Variants in BMPR1A observed in about 807,000 individuals in gnomAD.
BMPR1A encodes bone morphogenetic protein receptor type 1A.
BMPR1A carries 7 observed loss-of-function variants against 66.0 expected under a neutral mutation model. That is an observed-to-expected ratio of 0.11 (90% CI 0.06 to 0.20). The LOEUF is 0.20. BMPR1A is among the 10% of genes least tolerant of loss of function. The pLI, the probability that BMPR1A is intolerant of heterozygous loss-of-function variation, is 1.00. For synonymous variants in BMPR1A, 200 were observed against 229.7 expected (o/e 0.87, Z 1.17); for missense variants, 408 against 669.1 (o/e 0.61, Z 4.31).
chr10:86,787,061 T>G (rs1841527755), intron 1 of BMPR1A, among the ~76,000 whole-genome samples: 7 of 152,240 alleles, frequency 4.6e-5, no homozygotes, highest in Admixed American at 4.6e-4. Flanking sequence ...AGGATTTAAG[T>G]GAAATTGCCA....
chr10:86,900,822 C>T (rs1843298100), intron 7 of BMPR1A, among the ~76,000 whole-genome samples: 1 of 152,104 alleles, frequency 6.6e-6, no homozygotes. Flanking sequence ...ATGCGAAAGT[C>T]ATATGATTAT....
chr10:86,830,376 A>G (rs1386818399), intron 1 of BMPR1A, among the ~76,000 whole-genome samples: 1 of 152,234 alleles, frequency 6.6e-6, no homozygotes, highest in African/African-American at 2.4e-5. Flanking sequence ...TTGGTCAAGC[A>G]AAGAATCTTT....
At chr10:86,793,520 C>T (rs963238998) in intron 1 of BMPR1A, among the ~76,000 whole-genome samples, 4 of 151,858 alleles carry the variant, frequency 2.6e-5, no homozygotes, top group African/African-American at 9.7e-5. Flanking sequence ...CATGCCACCA[C>T]GCCTAGCTAA....
chr10:86,893,002 A>G (rs533368883), intron 5 of BMPR1A, among the ~76,000 whole-genome samples: 1 of 152,182 alleles, frequency 6.6e-6, no homozygotes, highest in African/African-American at 2.4e-5. Context: ...AAAAATAAAA[A>G]TTTTATTCAA....
At chr10:86,840,442 T>A (rs1842410285) in intron 2 of BMPR1A, among the ~76,000 whole-genome samples, 1 of 152,214 alleles carries the variant, frequency 6.6e-6, no homozygotes. Context: ...TCTACTTATT[T>A]AATTACTCCT....
At position 86,923,957 on chromosome 10, in the gene BMPR1A, C is replaced by T; in HGVS notation, c.*238C>T. ...TTATTTTAAATGTGGTTTTTGATGC[C>T]TTTTTTTAAGTGGGTTTTTATGAAC... On this transcript the variant is annotated 3_prime_UTR_variant, in exon 13 of 13. Transcript: ENST00000372037. The T allele has an allele frequency of 1.9e-6, 1 of 539,218 alleles. No individual in the cohort carries two copies. 33.4% of individuals were successfully genotyped at this position (539,218 alleles called of 1,614,324 possible).
intron 1 of BMPR1A, among the ~76,000 whole-genome samples, chr10:86,797,803 A>G (rs1038736331): frequency 6.6e-6 from 1 of 152,148 alleles, no homozygotes; most frequent in Non-Finnish European, 1.5e-5. Flanking sequence ...GTTCCCTGTA[A>G]TGTCAAGAAA....
chr10:86,877,910 C>G (rs1290057179), intron 3 of BMPR1A, among the ~76,000 whole-genome samples: 1 of 152,086 alleles, frequency 6.6e-6, no homozygotes, highest in Non-Finnish European at 1.5e-5. Context: ...CTATAATAAA[C>G]TTTTATTAGG....
intron 1 of BMPR1A, among the ~76,000 whole-genome samples, chr10:86,790,296 A>G (rs562398699): frequency 1.4e-5 from 2 of 147,154 alleles, no homozygotes; most frequent in South Asian, 2.2e-4. Context: ...AAAAAGATAG[A>G]TAATAACAAA....
At chr10:86,809,145 A>C (rs1392672199) in intron 1 of BMPR1A, among the ~76,000 whole-genome samples, 1 of 152,184 alleles carries the variant, frequency 6.6e-6, no homozygotes, top group East Asian at 1.9e-4. Flanking sequence ...CTGTTTTATT[A>C]AAATTATAAA....
intron 2 of BMPR1A, among the ~76,000 whole-genome samples, chr10:86,847,135 G>A (rs538163693): frequency 2.6e-5 from 4 of 152,112 alleles, no homozygotes; most frequent in Non-Finnish European, 4.4e-5. Flanking sequence ...GATTACAGAC[G>A]TGAGCCCCTG....
At chr10:86,915,650 C>A (rs192830216) in intron 8 of BMPR1A, among the ~76,000 whole-genome samples, 76 of 152,196 alleles carry the variant, frequency 5.0e-4, no homozygotes, top group Middle Eastern at 3.4e-3. Flanking sequence ...ATTGTTTTAA[C>A]TGGGGAGGCA....
Position 86,925,720 on chromosome 10 carries a change from T to TA in BMPR1A, c.*2001_*2002insA. On this transcript the variant is annotated 3_prime_UTR_variant, in exon 13 of 13. Coordinates refer to ENST00000372037, the MANE Select transcript of BMPR1A (RefSeq NM_004329.3). Reference sequence around the variant, plus strand: ...CCATAATCTTTAAAATCATTTGTCATCTTTTTTTTTTTTTTTTTGAGACGG... The same window carrying TA: ...CCATAATCTTTAAAATCATTTGTCATACTTTTTTTTTTTTTTTTTGAGACGG... 1.6e-5 allele frequency: 2 copies of TA among 124,130 alleles called. No individual in the cohort carries two copies. Among genetic ancestry groups the TA allele is most frequent in the Non-Finnish European group, 2.9e-5 (2 of 68,860 alleles). The allele number at this position is 124,130 out of a possible 1,614,324, so 7.7% of individuals were successfully genotyped here. A position where few individuals can be genotyped will look rare whatever the true frequency, so the allele number is the denominator to read the frequency against.
At chr10:86,756,575 CT>C (rs1458064499), upstream of BMPR1A, 1 of 150,502 alleles carries the variant, frequency 6.6e-6, no homozygotes, top group Non-Finnish European at 1.5e-5. Flanking sequence ...ACGCCCGCCC[CT>C]CCCCCAGGCC....
chr10:86,789,930 G>T (rs1391151915), intron 1 of BMPR1A, among the ~76,000 whole-genome samples: 1 of 150,810 alleles, frequency 6.6e-6, no homozygotes, highest in Non-Finnish European at 1.5e-5. Flanking sequence ...GCCGAGGAGG[G>T]CAGATCATGA....
At chr10:86,764,243 A>G (rs1213756061) in intron 1 of BMPR1A, among the ~76,000 whole-genome samples, 1 of 146,456 alleles carries the variant, frequency 6.8e-6, no homozygotes, top group African/African-American at 2.7e-5. Flanking sequence ...CCTGGCTAAA[A>G]GAAGCTCTTG....
chr10:86,844,246 G>A (rs945822347), intron 2 of BMPR1A, among the ~76,000 whole-genome samples: 1 of 152,110 alleles, frequency 6.6e-6, no homozygotes, highest in African/African-American at 2.4e-5. Context: ...TTTTACAAAA[G>A]CAGTTTTTAA....
intron 7 of BMPR1A, among the ~76,000 whole-genome samples, chr10:86,907,165 T>TTGGCCTCTTGATTGCC (rs773096811): frequency 2.0e-5 from 3 of 152,264 alleles, no homozygotes; most frequent in Non-Finnish European, 4.4e-5. Flanking sequence ...TGTCTGACAC[T>TTGGCCTCTTGATTGCC]TGGCCTCTTG....
intron 2 of BMPR1A, among the ~76,000 whole-genome samples, chr10:86,840,010 A>T (rs1431937405): frequency 6.6e-6 from 1 of 152,120 alleles, no homozygotes; most frequent in African/African-American, 2.4e-5. Flanking sequence ...TTGGAAATAG[A>T]ATTTAAAGAG....
Sources: allele counts gnomAD v4.1 joint callset (sites outside exome capture counted in the v4.1 genomes callset), GRCh38; gene constraint gnomAD v4.1.1; transcripts MANE v1.5; gene names NCBI Gene and HGNC (gene_info 2026-07-23, HGNC 2026-07-21).